Variants in VPS13A observed in about 807,000 individuals in gnomAD.
VPS13A encodes the protein vacuolar protein sorting 13 homolog A.
A neutral mutation model predicts 390.9 loss-of-function variants in VPS13A; 264 were observed. The ratio of observed to expected loss-of-function variants is 0.68; its 90% confidence interval spans 0.61 to 0.75. VPS13A has a LOEUF of 0.75. Ranked by LOEUF, VPS13A falls within the 30% of genes least tolerant of loss-of-function variation. The probability of loss-of-function intolerance (pLI) is 0.00; values close to 1 mark genes in which losing one functional copy is unlikely to be tolerated. For synonymous variants in VPS13A, 1,231 were observed against 1,227.1 expected (o/e 1.00, Z -0.07); for missense variants, 3,409 against 3,733.9 (o/e 0.91, Z 2.27).
intron 8 of VPS13A, 53 bp downstream of exon 8, chr9:77,213,081 C>A: frequency 6.3e-7 from 1 of 1,597,360 alleles, no homozygotes; most frequent in Non-Finnish European, 8.6e-7. Flanking sequence ...TTTTGGAAAG[C>A]CAAATGATAA....
chr9:77,287,877 A>C (rs1298419386), intron 31 of VPS13A, among the ~76,000 whole-genome samples: 1 of 152,198 alleles, frequency 6.6e-6, no homozygotes, highest in South Asian at 2.1e-4. Flanking sequence ...TTTACTTTTT[A>C]AAGTAAGATT....
At chr9:77,358,273 T>A in intron 56 of VPS13A, 84 bp from the exon 57 acceptor site, 1 of 1,258,314 alleles carries the variant, frequency 7.9e-7, no homozygotes, top group Non-Finnish European at 1.2e-6. Context: ...GACTTTTTGA[T>A]TCTTTTTGTT....
Position 77,260,127 on chromosome 9 carries a change from T to C in VPS13A, c.2330T>C (p.Ile777Thr). Residue 777 changes from isoleucine to threonine, a missense_variant, in exon 23 of 72, where the codon ATC (isoleucine) becomes ACC (threonine). By Grantham distance (89) the Ile-to-Thr change is moderately conservative. This residue lies in a region of VPS13A where 2,717 missense variants were observed against 2,917.4 expected (regional missense o/e 0.93). Transcript: ENST00000360280. The part of the protein sequence containing the change: ...YGKLPLISLR[I>T]SDKKLQGIME... The stretch of plus-strand genomic sequence containing the variant: ...AAGTTACCTCTTATTTCTTTACGAA[T>C]CTCAGATAAAAAACTACAAGGGATT... The C allele has an allele frequency of 6.4e-7, 1 of 1,571,946 alleles. No individual in the cohort carries two copies. The highest frequency in any genetic ancestry group is 8.7e-7 in the Non-Finnish European group (1 of 1,143,300).
intron 5 of VPS13A, among the ~76,000 whole-genome samples, chr9:77,207,230 T>TATATATAC (rs1825698797): frequency 1.0e-5 from 1 of 95,836 alleles, no homozygotes; most frequent in Admixed American, 1.2e-4. Context: ...TATATATATA[T>TATATATAC]ATATATATAT....
At chr9:77,308,763 T>G (rs1215173818) in intron 35 of VPS13A, among the ~76,000 whole-genome samples, 1 of 152,184 alleles carries the variant, frequency 6.6e-6, no homozygotes, top group East Asian at 1.9e-4. Flanking sequence ...TCTGGCATTA[T>G]AGGGGATCCT....
Position 77,295,761 on chromosome 9 carries a change from T to C in VPS13A, c.3727T>C (p.Phe1243Leu). 4.3e-6 allele frequency: 7 copies of C among 1,614,046 alleles called. No individual in the cohort carries two copies. Among genetic ancestry groups the C allele is most frequent in the Non-Finnish European group, 5.9e-6 (7 of 1,179,966 alleles). ...TGGACTAATTACAATGACAAATACC[T>C]TTCATATGATAACAGAGAGCCAGAG... ...DFGLITMTNT[F>L]HMITESQSSP... Residue 1243 changes from phenylalanine to leucine, a missense_variant, in exon 33 of 72, where the codon TTT (phenylalanine) becomes CTT (leucine). Phe to Leu is a conservative substitution (Grantham distance 22). This residue lies in a region of VPS13A where 2,717 missense variants were observed against 2,917.4 expected (regional missense o/e 0.93). Coordinates refer to ENST00000360280, the MANE Select transcript of VPS13A (RefSeq NM_033305.3).
chr9:77,408,889 A>G (rs1834762176), intron 71 of VPS13A, among the ~76,000 whole-genome samples: 1 of 152,218 alleles, frequency 6.6e-6, no homozygotes, highest in African/African-American at 2.4e-5. Flanking sequence ...GCCAAACAAA[A>G]GGCAGCAGAA....
At chr9:77,357,232 T>C (rs1460980990) in intron 55 of VPS13A, among the ~76,000 whole-genome samples, 2 of 141,774 alleles carry the variant, frequency 1.4e-5, no homozygotes, top group East Asian at 4.2e-4. Context: ...GGCATGAGAA[T>C]GCCTTGAACC....
chr9:77,209,248 T>G (rs536826378), intron 5 of VPS13A, among the ~76,000 whole-genome samples, 175 bp from the exon 6 acceptor site: 19 of 152,348 alleles, frequency 1.2e-4, no homozygotes, highest in African/African-American at 4.6e-4. Context: ...ATAAACTAGC[T>G]TTTGAAAAAT....
intron 68 of VPS13A, chr9:77,382,535 C>T (rs917877485): frequency 3.2e-5 from 39 of 1,206,250 alleles, no homozygotes; most frequent in Non-Finnish European, 3.9e-5. Context: ...ATTGGTGGTA[C>T]TTACTTAACC....
In VPS13A at chr9:77,366,876, T is replaced by C. The variant is rs1832459085; in HGVS notation, c.8471+4T>C. On this transcript the variant is annotated splice_donor_region_variant and intron_variant, in intron 61 of 71. Transcript: ENST00000360280. ...ATGTACAAGATGTAGTTTTTAAGTA[T>C]GTTTAGTATTCAAATCTGTAAATTG... 5.0e-6 allele frequency: 8 copies of C among 1,611,766 alleles called. No homozygotes were observed. Among genetic ancestry groups the C allele is most frequent in the Non-Finnish European group, 6.8e-6 (8 of 1,178,800 alleles).
chr9:77,369,148 A>G (rs1832605344), intron 62 of VPS13A, 151 bp from the exon 63 acceptor site: 1 of 659,730 alleles, frequency 1.5e-6, no homozygotes, highest in Admixed American at 2.6e-5. Context: ...AAGAAAAAAA[A>G]GAGTAGTGAT....
intron 21 of VPS13A, 70 bp downstream of exon 21, chr9:77,250,299 A>G: frequency 2.0e-6 from 3 of 1,537,884 alleles, no homozygotes; most frequent in Non-Finnish European, 2.7e-6. Context: ...AGACACTTTG[A>G]AGACCTTCCT....
intron 71 of VPS13A, 49 bp from the exon 72 acceptor site, chr9:77,415,907 T>C (rs748281565): frequency 1.2e-6 from 2 of 1,606,288 alleles, no homozygotes; most frequent in East Asian, 2.2e-5. Context: ...TTTTGTTTCA[T>C]TACAAGTTCA....
At position 77,185,165 on chromosome 9, in the gene VPS13A, CAG is replaced by C. The variant is rs568845756; in HGVS notation, c.100+7364_100+7365del. On this transcript the variant is annotated intron_variant, in intron 1 of 71. Coordinates refer to ENST00000360280, the MANE Select transcript of VPS13A (RefSeq NM_033305.3). Reference sequence around the variant, plus strand: ...ATTATCTCTTTTTTTTTTTTTGAGACAGAGTCTCGCTCTGTCGCCAGGCTGGA... The same window carrying C: ...ATTATCTCTTTTTTTTTTTTTGAGACAGTCTCGCTCTGTCGCCAGGCTGGA... Among the ~76,000 whole-genome samples, 226 of 150,670 alleles carry C rather than the reference CAG, an allele frequency of 1.5e-3. 1 individual carries two copies. The highest frequency in any genetic ancestry group is 5.3e-3 in the African/African-American group (217 of 40,920).
chr9:77,360,222 A>G (rs1022474973), intron 58 of VPS13A, among the ~76,000 whole-genome samples: 1 of 152,064 alleles, frequency 6.6e-6, no homozygotes, highest in Non-Finnish European at 1.5e-5. Context: ...GCTTTTGTTC[A>G]TTCAACATTT....
chr9:77,321,388 G>C, intron 43 of VPS13A, 61 bp downstream of exon 43: 1 of 1,580,412 alleles, frequency 6.3e-7, no homozygotes, highest in Non-Finnish European at 8.7e-7. Flanking sequence ...TCTGTCTGTT[G>C]AATAAGAAGT....
At chr9:77,246,722 T>G (rs1239903528) in intron 19 of VPS13A, among the ~76,000 whole-genome samples, 3 of 152,170 alleles carry the variant, frequency 2.0e-5, no homozygotes, top group African/African-American at 4.8e-5. Flanking sequence ...GAATTAAATT[T>G]ATTAGACTAA....
At position 77,393,164 on chromosome 9, in the gene VPS13A, C is replaced by A. The variant is rs140778108; in HGVS notation, c.9190-10072C>A. On this transcript the variant is annotated intron_variant, in intron 68 of 71. Coordinates refer to ENST00000360280, the MANE Select transcript of VPS13A (RefSeq NM_033305.3). Reference sequence around the variant, plus strand: ...ATAGAATCTTCCCCGATAATAGATTCCATCTGGAGAAACCATTTTCTTTGC... The same window carrying A: ...ATAGAATCTTCCCCGATAATAGATTACATCTGGAGAAACCATTTTCTTTGC... 1.7e-3 allele frequency among the ~76,000 whole-genome samples: 266 copies of A among 152,300 alleles called. 2 individuals carry two copies. The highest frequency in any genetic ancestry group is 5.8e-3 in the African/African-American group (241 of 41,562).
Sources: allele counts gnomAD v4.1 joint callset (sites outside exome capture counted in the v4.1 genomes callset), GRCh38; gene constraint gnomAD v4.1.1; regional missense constraint gnomAD v4.1.1; transcripts MANE v1.5; gene names NCBI Gene and HGNC (gene_info 2026-07-23, HGNC 2026-07-21).